OCA2: variants seen among roughly 807,000 people sequenced by gnomAD.
The protein encoded by OCA2 is P protein.
In OCA2, 77 loss-of-function variants were observed where a neutral mutation model predicts 100.2. The observed-to-expected ratio is 0.77, with a 90% CI of 0.64 to 0.93. The LOEUF is 0.93. OCA2 is among the 40% of genes least tolerant of loss of function. The probability of loss-of-function intolerance (pLI) is 0.00; values close to 1 mark genes in which losing one functional copy is unlikely to be tolerated. For synonymous variants in OCA2, 432 were observed against 439.2 expected, an observed-to-expected ratio of 0.98 and a Z score of 0.21; for missense variants, 1,062 against 1,089.1, an observed-to-expected ratio of 0.98 and a Z score of 0.35.
intron 7 of OCA2, among the ~76,000 whole-genome samples, chr15:28,016,686 C>T (rs988612676): frequency 6.6e-6 from 1 of 152,098 alleles, no homozygotes; most frequent in Admixed American, 6.5e-5. Context: ...GGGGCTGAGG[C>T]GGGAGGATCC....
At chr15:27,743,245 G>A in the OCA2 span, among the ~76,000 whole-genome samples, 5 of 152,158 alleles carry the variant, frequency 3.3e-5, no homozygotes, top group Admixed American at 2.0e-4. Context: ...TGAATGGCAC[G>A]CATCCCAGTC....
chr15:27,728,464 T>G, the OCA2 span, among the ~76,000 whole-genome samples: 2 of 152,316 alleles, frequency 1.3e-5, no homozygotes, highest in East Asian at 3.9e-4. Context: ...AGTAGAATTT[T>G]GGGGGTCCAT....
the OCA2 span, among the ~76,000 whole-genome samples, chr15:27,741,891 G>A: frequency 6.6e-6 from 1 of 152,268 alleles, no homozygotes; most frequent in Admixed American, 6.5e-5. Flanking sequence ...ATTGTTACAC[G>A]ATTAACATTA....
In OCA2 at chr15:27,995,262, C is replaced by T. The variant is rs374606745; in HGVS notation, c.1045-4615G>A. ...TGAACAGCACTGTACACCAAGTGGA[C>T]CTAACAGACATAGACCGAACTTTCC... On this transcript the variant is annotated intron_variant, in intron 9 of 23. Coordinates refer to ENST00000354638, the MANE Select transcript of OCA2 (RefSeq NM_000275.3). Among the ~76,000 whole-genome samples the T allele has an allele frequency of 3.2e-4, 48 of 152,266 alleles. No individual in the cohort carries two copies. In the South Asian group the frequency reaches 9.3e-3, roughly 30 times the overall value.
chr15:28,071,872 G>T (rs1244607223), intron 2 of OCA2, among the ~76,000 whole-genome samples: 2 of 152,168 alleles, frequency 1.3e-5, no homozygotes, highest in African/African-American at 4.8e-5. Context: ...AATAATTTTT[G>T]ACTAAGTCCC....
intron 23 of OCA2, among the ~76,000 whole-genome samples, chr15:27,805,059 G>A (rs2033772487): frequency 6.6e-6 from 1 of 152,212 alleles, no homozygotes; most frequent in African/African-American, 2.4e-5. Context: ...AGAAGCCCCT[G>A]CAAGGGAGGC....
At chr15:27,884,300 G>A (rs1281183808) in intron 19 of OCA2, among the ~76,000 whole-genome samples, 1 of 152,136 alleles carries the variant, frequency 6.6e-6, no homozygotes, top group Non-Finnish European at 1.5e-5. Flanking sequence ...ACTTGGGCCC[G>A]GGGAGTAGAG....
At chr15:28,073,611 G>A (rs527572862) in intron 2 of OCA2, among the ~76,000 whole-genome samples, 2 of 152,128 alleles carry the variant, frequency 1.3e-5, no homozygotes, top group South Asian at 2.1e-4. Flanking sequence ...TGAAGGAAGG[G>A]GGAGTGGGTT....
chr15:27,884,340 A>G (rs930880064), intron 19 of OCA2, among the ~76,000 whole-genome samples: 2 of 152,206 alleles, frequency 1.3e-5, no homozygotes, highest in Non-Finnish European at 2.9e-5. Context: ...GCACCACTGC[A>G]CTCCAGCCTC....
At chr15:27,730,762 TATATATATATATATATG>T in the OCA2 span, among the ~76,000 whole-genome samples, 6 of 135,158 alleles carry the variant, frequency 4.4e-5, no homozygotes, top group East Asian at 2.0e-4. Context: ...TATATATATA[TATATATATATATATATG>T]TTTTTTTTTC....
At chr15:28,095,836 T>A (rs1000487595) in intron 1 of OCA2, among the ~76,000 whole-genome samples, 11 of 152,088 alleles carry the variant, frequency 7.2e-5, no homozygotes, top group African/African-American at 2.7e-4. Context: ...TGAAAGGCAG[T>A]CCCTCTGCAG....
intron 15 of OCA2, among the ~76,000 whole-genome samples, chr15:27,959,196 T>C (rs1379486416): frequency 6.6e-6 from 1 of 152,216 alleles, no homozygotes; most frequent in East Asian, 1.9e-4. Context: ...AGAACTAAGA[T>C]ACATAATATG....
intron 9 of OCA2, among the ~76,000 whole-genome samples, chr15:28,007,635 C>G (rs534091184): frequency 1.3e-5 from 2 of 151,904 alleles, no homozygotes; most frequent in African/African-American, 4.8e-5. Flanking sequence ...GAAGCTGAGG[C>G]AGGAGAACTG....
chr15:27,734,597 T>C, the OCA2 span, among the ~76,000 whole-genome samples: 60 of 152,316 alleles, frequency 3.9e-4, no homozygotes, highest in Admixed American at 3.7e-3. Context: ...TGTCCAGGTG[T>C]GGGGCTTCAG....
At chr15:27,942,478 T>C (rs2039683183) in intron 18 of OCA2, among the ~76,000 whole-genome samples, 1 of 151,294 alleles carries the variant, frequency 6.6e-6, no homozygotes, top group South Asian at 2.1e-4. Flanking sequence ...GTAGGATTAG[T>C]GGTTTCCAGG....
intron 19 of OCA2, among the ~76,000 whole-genome samples, chr15:27,880,402 T>C (rs1241687809): frequency 1.3e-5 from 2 of 152,252 alleles, no homozygotes; most frequent in African/African-American, 2.4e-5. Context: ...ATGTCAATGG[T>C]AGTTTAATGG....
At chr15:27,784,831 G>A (rs2032724475) in intron 23 of OCA2, among the ~76,000 whole-genome samples, 1 of 151,990 alleles carries the variant, frequency 6.6e-6, no homozygotes, top group African/African-American at 2.4e-5. Flanking sequence ...TTCATGAATT[G>A]TGGAATAACA....
intron 19 of OCA2, among the ~76,000 whole-genome samples, chr15:27,901,035 T>G (rs561148788): frequency 6.6e-6 from 1 of 152,342 alleles, no homozygotes; most frequent in East Asian, 1.9e-4. Context: ...GGTATTTTGT[T>G]GCTTCTCTTC....
At chr15:27,729,026 G>A in the OCA2 span, among the ~76,000 whole-genome samples, 6 of 152,186 alleles carry the variant, frequency 3.9e-5, 1 homozygote, top group South Asian at 4.2e-4. Flanking sequence ...CACTTTCAAC[G>A]CTTGGCTTGG....
Sources: gnomAD v4.1 joint callset for allele counts (sites outside exome capture counted in the v4.1 genomes callset) on GRCh38, gnomAD v4.1.1 for gene constraint, MANE v1.5 for transcripts, NCBI Gene and HGNC (gene_info 2026-07-23, HGNC 2026-07-21) for gene names.